The following RALGAPA1 variants were observed in gnomAD, a reference collection of about 807,000 sequenced individuals.
The protein encoded by RALGAPA1 is ral GTPase-activating protein subunit alpha-1.
A neutral mutation model predicts 269.6 loss-of-function variants in RALGAPA1; 52 were observed. The ratio of observed to expected loss-of-function variants is 0.19; its 90% CI spans 0.15 to 0.24. RALGAPA1 has a LOEUF of 0.24. Among genes scored for constraint, RALGAPA1 ranks in the 10% least tolerant of loss-of-function variants. RALGAPA1 has a pLI of 1.00. For synonymous variants in RALGAPA1, 817 were observed against 1,008.3 expected, an observed-to-expected ratio of 0.81 and a Z score of 3.60; for missense variants, 1,917 against 3,013.9, an observed-to-expected ratio of 0.64 and a Z score of 8.52.
chr14:35,807,874 C>T (rs147738762), intron 1 of RALGAPA1: 33 of 152,376 alleles, frequency 2.2e-4, no homozygotes, highest in African/African-American at 7.5e-4. Context: ...AATGCATCTT[C>T]TTCAGCCAGT....
chr14:35,715,022 G>A (rs2068689821), intron 16 of RALGAPA1, among the ~76,000 whole-genome samples: 1 of 151,944 alleles, frequency 6.6e-6, no homozygotes, highest in South Asian at 2.1e-4. Context: ...TCTTTTCTTT[G>A]TCTTTCCATT....
intron 31 of RALGAPA1, among the ~76,000 whole-genome samples, chr14:35,637,972 T>C (rs1397995478): frequency 6.6e-6 from 1 of 152,088 alleles, no homozygotes; most frequent in African/African-American, 2.4e-5. Flanking sequence ...CCAGTGAAAA[T>C]ATCCTTCGAA....
At chr14:35,801,284 T>C (rs185351704) in intron 1 of RALGAPA1, among the ~76,000 whole-genome samples, 3,848 of 132,288 alleles carry the variant, frequency 0.029, 131 homozygotes, top group African/African-American at 0.088. Context: ...CACACACACA[T>C]TTGAGATAGA....
Position 35,659,245 on chromosome 14 carries a change from T to C in RALGAPA1, c.5329-49A>G, listed in dbSNP as rs183416040. ...ACGGCAATGACTGAGATTTCACTCA[T>C]TCATTCTACAAATATTTATTAAGTG... is the stretch of plus-strand genomic sequence containing the variant. On this transcript the variant is annotated intron_variant, in intron 27 of 41. Coordinates refer to ENST00000680220, the MANE Select transcript of RALGAPA1 (RefSeq NM_001346249.2). 3.4e-3 allele frequency: 4,648 copies of C among 1,366,734 alleles called. 15 individuals carry two copies. The highest frequency in any genetic ancestry group is 4.3e-3 in the Non-Finnish European group (4,187 of 964,116). The allele number at this position is 1,366,734 out of a possible 1,614,324, so 84.7% of individuals were successfully genotyped here. A position where few individuals can be genotyped will look rare whatever the true frequency, so the allele number is the denominator to read the frequency against.
chr14:35,670,751 C>A (rs760969134), intron 26 of RALGAPA1, among the ~76,000 whole-genome samples: 1 of 152,010 alleles, frequency 6.6e-6, no homozygotes, highest in Non-Finnish European at 1.5e-5. Context: ...GGTGAAACCC[C>A]GTCACTACTA....
chr14:35,687,521 T>A (rs2066062111), intron 18 of RALGAPA1, among the ~76,000 whole-genome samples: 1 of 152,228 alleles, frequency 6.6e-6, no homozygotes, highest in Non-Finnish European at 1.5e-5. Flanking sequence ...TGCCCTCAGG[T>A]GGCATTAATG....
intron 16 of RALGAPA1, chr14:35,707,249 A>T (rs919373209): frequency 2.6e-5 from 4 of 152,048 alleles, no homozygotes; most frequent in African/African-American, 9.7e-5. Context: ...TCACTTTGAA[A>T]TTTTCCACAT....
intron 36 of RALGAPA1, among the ~76,000 whole-genome samples, chr14:35,599,870 C>T (rs541176742): frequency 2.6e-4 from 39 of 152,260 alleles, no homozygotes; most frequent in African/African-American, 8.9e-4. Flanking sequence ...TTAATAGTTT[C>T]CCCCCACAGA....
intron 30 of RALGAPA1, among the ~76,000 whole-genome samples, chr14:35,652,364 T>TTATATATATATATATATATATATA (rs10645179): frequency 6.8e-6 from 1 of 147,894 alleles, no homozygotes; most frequent in Non-Finnish European, 1.5e-5. Context: ...GGCCTTTTGT[T>TTATATATATATATATATATATATA]TATATATATA....
intron 37 of RALGAPA1, among the ~76,000 whole-genome samples, chr14:35,579,472 G>A (rs1213959609): frequency 6.6e-6 from 1 of 151,948 alleles, no homozygotes; most frequent in African/African-American, 2.4e-5. Context: ...CTACTAAAAG[G>A]TGGTGCACGC....
intron 41 of RALGAPA1, among the ~76,000 whole-genome samples, chr14:35,540,481 A>G (rs941951737): frequency 1.3e-5 from 2 of 152,224 alleles, no homozygotes; most frequent in Non-Finnish European, 1.5e-5. Context: ...ATCAAATAGG[A>G]AAGTTCTTTG....
chr14:35,611,235 C>T (rs1024397517), intron 35 of RALGAPA1, among the ~76,000 whole-genome samples: 3 of 151,962 alleles, frequency 2.0e-5, no homozygotes, highest in Non-Finnish European at 2.9e-5. Context: ...GTGGTTCATG[C>T]CTATAATCCC....
Position 35,808,908 on chromosome 14 carries a change from G to T in RALGAPA1, c.-73C>A. On this transcript the variant is annotated 5_prime_UTR_variant, in exon 1 of 42. Coordinates refer to ENST00000680220, the MANE Select transcript of RALGAPA1 (RefSeq NM_001346249.2). Reference sequence around the variant, plus strand: ...GGGTCCCGGCGGCAGAAAGTGGAGGGAGTGGACGGGGAGGAGACTAGCCAG... The same window carrying T: ...GGGTCCCGGCGGCAGAAAGTGGAGGTAGTGGACGGGGAGGAGACTAGCCAG... 1 of 1,550,948 alleles carries T rather than the reference G, an allele frequency of 6.4e-7. No homozygotes were observed. Among genetic ancestry groups the T allele is most frequent in the Non-Finnish European group, 8.7e-7 (1 of 1,148,916 alleles).
chr14:35,605,530 G>A lies in RALGAPA1; in HGVS notation c.7053+56C>T, dbSNP rs1032276523. 20 of 1,496,650 alleles carry A rather than the reference G, an allele frequency of 1.3e-5. No individual in the cohort carries two copies. The African/African-American group carries it at 2.6e-4, about 19-fold the overall frequency. 92.7% of individuals were successfully genotyped at this position (1,496,650 alleles called of 1,614,324 possible). Reference sequence around the variant, plus strand: ...TTCTATAATAAGCTAGGAAAAAAAAGAAAAATAAGCTTATGCTTCCAAATA... The same window carrying A: ...TTCTATAATAAGCTAGGAAAAAAAAAAAAAATAAGCTTATGCTTCCAAATA... On this transcript the variant is annotated intron_variant, in intron 36 of 41. Coordinates refer to ENST00000680220, the MANE Select transcript of RALGAPA1 (RefSeq NM_001346249.2).
chr14:35,686,403 A>G, intron 19 of RALGAPA1, 139 bp downstream of exon 19: 1 of 612,328 alleles, frequency 1.6e-6, no homozygotes, highest in Non-Finnish European at 2.5e-6. Flanking sequence ...ATCTTAATTC[A>G]TAAAAAGGGT....
chr14:35,759,168 A>G (rs1308079250), intron 6 of RALGAPA1, among the ~76,000 whole-genome samples: 1 of 152,230 alleles, frequency 6.6e-6, no homozygotes, highest in Non-Finnish European at 1.5e-5. Context: ...TATGTAGCCT[A>G]TTTGAACTGG....
chr14:35,617,685 A>G (rs993199478), intron 35 of RALGAPA1, among the ~76,000 whole-genome samples: 1 of 132,050 alleles, frequency 7.6e-6, no homozygotes, highest in African/African-American at 2.8e-5. Context: ...AGATTATTTC[A>G]TTGTTAAATA....
Position 35,688,442 on chromosome 14 carries a change from A to G in RALGAPA1, c.3952+17T>C. 2.0e-6 allele frequency: 3 copies of G among 1,536,104 alleles called. No homozygotes were observed. The highest frequency in any genetic ancestry group is 2.6e-6 in the Non-Finnish European group (3 of 1,146,874). On this transcript the variant is annotated intron_variant, in intron 18 of 41. Coordinates refer to ENST00000680220, the MANE Select transcript of RALGAPA1 (RefSeq NM_001346249.2). ...CTGTCTTTCTCCTTTTGCGCTCTGC[A>G]CACTGTTAGTGCTCACCTGCAGCTT...
intron 41 of RALGAPA1, chr14:35,542,398 A>AC (rs2054093109): frequency 6.4e-6 from 1 of 155,988 alleles, no homozygotes; most frequent in Non-Finnish European, 1.4e-5. Context: ...AACTCAAATA[A>AC]TATTTTCCTC....
Sources: allele counts gnomAD v4.1 joint callset (sites outside exome capture counted in the v4.1 genomes callset), GRCh38; gene constraint gnomAD v4.1.1; transcripts MANE v1.5; gene names NCBI Gene and HGNC (gene_info 2026-07-23, HGNC 2026-07-21).